The following MTHFD1L variants were observed in gnomAD, a reference collection of about 807,000 sequenced individuals.
MTHFD1L encodes monofunctional C1-tetrahydrofolate synthase, mitochondrial.
Under a neutral mutation model 119.5 loss-of-function variants are expected in MTHFD1L, and 81 were observed. The ratio of observed to expected loss-of-function variants is 0.68; its 90% confidence interval spans 0.57 to 0.82. The LOEUF (loss-of-function observed/expected upper bound fraction) is 0.82, where lower values mean the gene tolerates loss of function less well. Among genes scored for constraint, MTHFD1L ranks in the 40% least tolerant of loss-of-function variants. The pLI is 0.00. For synonymous variants in MTHFD1L, 430 were observed against 475.2 expected, an observed-to-expected ratio of 0.90 and a Z score of 1.24; for missense variants, 1,125 against 1,253.4, an observed-to-expected ratio of 0.90 and a Z score of 1.55.
At chr6:150,997,829 T>C (rs1780017957) in intron 20 of MTHFD1L, among the ~76,000 whole-genome samples, 1 of 152,198 alleles carries the variant, frequency 6.6e-6, no homozygotes, top group Non-Finnish European at 1.5e-5. Context: ...TATTGTTTCA[T>C]GGGAGCTGCC....
In MTHFD1L at chr6:150,877,910, G is replaced by A. The variant is rs573969374; in HGVS notation, c.417+84G>A. ...CCATTGGCGTCTCTTAGTGGTGGCT[G>A]GGACAGATCTAAGATTTGCTTGTGA... is the stretch of plus-strand genomic sequence containing the variant. On this transcript the variant is annotated intron_variant, in intron 4 of 27. Coordinates refer to ENST00000367321, the MANE Select transcript of MTHFD1L (RefSeq NM_015440.5). 4 of 1,503,660 alleles carry A rather than the reference G, an allele frequency of 2.7e-6. No individual in the cohort carries two copies. In the South Asian group the frequency reaches 4.5e-5, roughly 17 times the overall value. 93.1% of individuals were successfully genotyped at this position (1,503,660 alleles called of 1,614,324 possible). A position where few individuals can be genotyped will look rare whatever the true frequency, so the allele number is the denominator to read the frequency against.
At chr6:151,001,992 T>A (rs1023252124) in intron 20 of MTHFD1L, among the ~76,000 whole-genome samples, 1 of 152,186 alleles carries the variant, frequency 6.6e-6, no homozygotes, top group African/African-American at 2.4e-5. Flanking sequence ...TTGCATACTT[T>A]GGTAATCACA....
chr6:150,893,287 A>T, intron 7 of MTHFD1L, among the ~76,000 whole-genome samples: 1 of 151,938 alleles, frequency 6.6e-6, no homozygotes, highest in East Asian at 1.9e-4. Context: ...CTGGTCTCGA[A>T]CTCCTGACCT....
At chr6:151,035,400 A>G (rs550484433) in intron 25 of MTHFD1L, among the ~76,000 whole-genome samples, 3 of 152,340 alleles carry the variant, frequency 2.0e-5, no homozygotes, top group East Asian at 1.9e-4. Flanking sequence ...TTTAAAAAAA[A>G]TCTCCAACTC....
intron 20 of MTHFD1L, among the ~76,000 whole-genome samples, chr6:151,006,706 T>G (rs1349324199): frequency 1.3e-5 from 2 of 152,142 alleles, no homozygotes; most frequent in African/African-American, 2.4e-5. Context: ...GGTTTGGAGA[T>G]AGATGGTGAC....
In MTHFD1L at chr6:150,905,777, T is replaced by C. The variant is rs758467110; in HGVS notation, c.892+16T>C. ...TTCCTGTCAGGTAAATGTCTTCACA[T>C]TGGTGTTGAGCCACTGATTAGGTCA... On this transcript the variant is annotated intron_variant, in intron 8 of 27. Transcript: ENST00000367321. 31 of 1,575,076 alleles carry C rather than the reference T, an allele frequency of 2.0e-5. No homozygotes were observed. Among genetic ancestry groups the C allele is most frequent in the African/African-American group, 5.4e-5 (4 of 74,136 alleles).
chr6:151,084,688 G>A (rs1043886785), intron 26 of MTHFD1L, among the ~76,000 whole-genome samples: 6 of 151,976 alleles, frequency 3.9e-5, no homozygotes, highest in Non-Finnish European at 7.4e-5. Context: ...TAGACGGGCC[G>A]GGCGTGGTGG....
chr6:150,947,781 C>CA (rs1162557516), intron 15 of MTHFD1L, among the ~76,000 whole-genome samples: 1 of 152,152 alleles, frequency 6.6e-6, no homozygotes, highest in African/African-American at 2.4e-5. Context: ...CCACATAGAG[C>CA]AGCCCAAGGA....
chr6:151,025,482 C>T (rs943400141), intron 24 of MTHFD1L, among the ~76,000 whole-genome samples: 2 of 152,244 alleles, frequency 1.3e-5, no homozygotes, highest in Admixed American at 1.3e-4. Context: ...GGAAAGGCTG[C>T]TTGCCAAACT....
chr6:151,000,722 A>G (rs1780498576), intron 20 of MTHFD1L, among the ~76,000 whole-genome samples: 1 of 152,204 alleles, frequency 6.6e-6, no homozygotes, highest in Admixed American at 6.5e-5. Flanking sequence ...TTCAGAATTC[A>G]TGTGTTGCTG....
chr6:150,896,740 C>A (rs1324337654), intron 7 of MTHFD1L, among the ~76,000 whole-genome samples: 1 of 151,992 alleles, frequency 6.6e-6, no homozygotes, highest in African/African-American at 2.4e-5. Flanking sequence ...AGACTTTATG[C>A]CATTCATTAT....
chr6:151,006,982 C>G (rs1035321610), intron 20 of MTHFD1L, among the ~76,000 whole-genome samples: 1 of 152,156 alleles, frequency 6.6e-6, no homozygotes, highest in Admixed American at 6.5e-5. Context: ...CAGTCCCACT[C>G]CCCGGTACTA....
In MTHFD1L at chr6:150,887,945, G is replaced by A; in HGVS notation, c.744G>A (p.Met248Ile). 1 of 1,608,260 alleles carries A rather than the reference G, an allele frequency of 6.2e-7. No individual in the cohort carries two copies. Among genetic ancestry groups the A allele is most frequent in the Non-Finnish European group, 8.5e-7 (1 of 1,177,752 alleles). ...CLFQRKGSMT[M>I]SIQWKTRQLQ... ...TCCAGAGAAAAGGGTCCATGACAAT[G>A]AGCATCCAGTGGAAAACACGCCAGC... Residue 248 changes from methionine to isoleucine, a missense_variant, in exon 7 of 28, where the codon ATG becomes ATA. Around this residue, in one of 3 missense-constraint regions of MTHFD1L, gnomAD observed 1,058 missense variants for 1,151.2 expected, o/e 0.92. Transcript: ENST00000367321.
intron 16 of MTHFD1L, among the ~76,000 whole-genome samples, chr6:150,950,407 A>G (rs903460185): frequency 6.6e-6 from 1 of 152,212 alleles, no homozygotes; most frequent in Non-Finnish European, 1.5e-5. Context: ...CAGCCAGTCC[A>G]TTAAGAATTT....
At chr6:151,007,563 G>T (rs1031868910) in intron 20 of MTHFD1L, among the ~76,000 whole-genome samples, 1 of 152,160 alleles carries the variant, frequency 6.6e-6, no homozygotes, top group Non-Finnish European at 1.5e-5. Flanking sequence ...ACTTGCCAAG[G>T]TGCACAGCTG....
rs144838883 is a variant in MTHFD1L, at chr6:150,939,778, A to G, written c.1440+1033A>G. 9.1e-3 allele frequency among the ~76,000 whole-genome samples: 1,303 copies of G among 143,622 alleles called. 20 individuals are homozygous for G. The highest frequency in any genetic ancestry group is 0.033 in the African/African-American group (1,234 of 37,946). 94.2% of individuals were successfully genotyped at this position (143,622 alleles called of 152,430 possible). A position where few individuals can be genotyped will look rare whatever the true frequency, so the allele number is the denominator to read the frequency against. On this transcript the variant is annotated intron_variant, in intron 13 of 27. Coordinates refer to ENST00000367321, the MANE Select transcript of MTHFD1L (RefSeq NM_015440.5). ...CGGCTCACTGCAACCTCTGCCTCCC[A>G]GGTTCAAGCAATTCTCATGCCTCAG...
At chr6:150,883,009 C>A in intron 5 of MTHFD1L, 123 bp downstream of exon 5, 6 of 998,706 alleles carry the variant, frequency 6.0e-6, no homozygotes, top group Non-Finnish European at 8.4e-6. Flanking sequence ...ATAAAAAAAT[C>A]ATTTTAAATA....
intron 16 of MTHFD1L, among the ~76,000 whole-genome samples, chr6:150,950,047 A>G (rs1794616362): frequency 1.4e-5 from 2 of 144,866 alleles, no homozygotes; most frequent in African/African-American, 4.9e-5. Context: ...TATTTATCAG[A>G]TGCGCATTTT....
intron 20 of MTHFD1L, among the ~76,000 whole-genome samples, chr6:151,001,779 C>T (rs1780658573): frequency 6.6e-6 from 1 of 152,172 alleles, no homozygotes; most frequent in Admixed American, 6.5e-5. Context: ...CATCCTCTCT[C>T]TGAAGTGTTT....
Sources: gnomAD v4.1 joint callset for allele counts (sites outside exome capture counted in the v4.1 genomes callset) on GRCh38, gnomAD v4.1.1 for gene constraint, gnomAD v4.1.1 regional missense constraint, MANE v1.5 for transcripts, NCBI Gene and HGNC (gene_info 2026-07-23, HGNC 2026-07-21) for gene names.